The following TMEM225B variants were observed in gnomAD, a reference collection of about 807,000 sequenced individuals.
TMEM225B encodes the protein transmembrane protein 225B.
Under a neutral mutation model 16.9 loss-of-function variants are expected in TMEM225B, and 10 were observed. That is an observed-to-expected ratio of 0.59 (90% CI 0.36 to 1.00). The LOEUF (loss-of-function observed/expected upper bound fraction) is 1.00. Among genes scored for constraint, TMEM225B ranks in the 50% least tolerant of loss-of-function variants. The pLI is 0.01. For missense variants in TMEM225B, 217 were observed against 267.0 expected (o/e 0.81, Z 1.30); for synonymous variants, 92 against 109.8 (o/e 0.84, Z 1.01).
Position 99,610,676 on chromosome 7 carries a change from T to A in TMEM225B, c.*111T>A. 1 of 868,050 alleles carries A rather than the reference T, an allele frequency of 1.2e-6. No individual in the cohort carries two copies. The highest frequency in any genetic ancestry group is 1.7e-6 in the Non-Finnish European group (1 of 576,672). The allele number at this position is 868,050 out of a possible 1,614,324, so 53.8% of individuals were successfully genotyped here. ...GTATCTGTGCCTTTGAGGAGCTTCT[T>A]GCGTGTCAGATCAACTCTCCACCTC... On this transcript the variant is annotated 3_prime_UTR_variant, in exon 6 of 6. Coordinates refer to ENST00000431679, the MANE Select transcript of TMEM225B (RefSeq NM_001195541.3).
At chr7:99,610,266 T>G in intron 5 of TMEM225B, 127 bp from the exon 6 acceptor site, 1 of 628,970 alleles carries the variant, frequency 1.6e-6, no homozygotes, top group Non-Finnish European at 2.7e-6. Context: ...CTGTAATCTC[T>G]CTCTGTAATA....
At chr7:99,609,907 A>AT (rs1011192356) in intron 5 of TMEM225B, among the ~76,000 whole-genome samples, 2 of 150,846 alleles carry the variant, frequency 1.3e-5, no homozygotes, top group African/African-American at 2.4e-5. Context: ...GCTAATTTTA[A>AT]TTTTTTTTTG....
At chr7:99,598,857 C>T (rs1805081658) in intron 1 of TMEM225B, among the ~76,000 whole-genome samples, 2 of 152,200 alleles carry the variant, frequency 1.3e-5, no homozygotes. Flanking sequence ...CTGAAGGGGG[C>T]CTAGGGTCCA....
intron 1 of TMEM225B, among the ~76,000 whole-genome samples, chr7:99,598,880 C>G (rs1805085264): frequency 6.6e-6 from 1 of 152,208 alleles, no homozygotes; most frequent in Non-Finnish European, 1.5e-5. Context: ...AACCTCCTGC[C>G]AAGCCAGTGG....
intron 2 of TMEM225B, among the ~76,000 whole-genome samples, chr7:99,603,109 G>A (rs572520870): frequency 6.6e-6 from 1 of 152,010 alleles, no homozygotes; most frequent in African/African-American, 2.4e-5. Context: ...CTTCACTGAG[G>A]GCCCAGGCTG....
intron 5 of TMEM225B, among the ~76,000 whole-genome samples, chr7:99,608,073 G>A (rs969729965): frequency 6.6e-6 from 1 of 152,178 alleles, no homozygotes; most frequent in African/African-American, 2.4e-5. Flanking sequence ...TGGCCAACAT[G>A]GTGAAACCCC....
intron 5 of TMEM225B, among the ~76,000 whole-genome samples, chr7:99,609,580 C>T (rs1216461829): frequency 1.3e-5 from 2 of 151,960 alleles, no homozygotes; most frequent in African/African-American, 4.8e-5. Flanking sequence ...GGACTACAGG[C>T]ATGCACCACC....
At chr7:99,605,030 CAACAAA>C (rs1286641599) in intron 3 of TMEM225B, among the ~76,000 whole-genome samples, 1 of 143,924 alleles carries the variant, frequency 6.9e-6, no homozygotes, top group East Asian at 2.0e-4. Flanking sequence ...ACAACAACAA[CAACAAA>C]ACACAAAAAA....
At chr7:99,599,608 C>T (rs2151190535) in intron 1 of TMEM225B, among the ~76,000 whole-genome samples, 1 of 152,306 alleles carries the variant, frequency 6.6e-6, no homozygotes, top group South Asian at 2.1e-4. Flanking sequence ...AGATAAGTTG[C>T]TTTGTTTTTA....
intron 3 of TMEM225B, 102 bp downstream of exon 3, chr7:99,604,698 T>C (rs1805649456): frequency 1.1e-6 from 1 of 926,534 alleles, no homozygotes; most frequent in African/African-American, 1.6e-5. Context: ...GAGGACAAAA[T>C]CTAATTAGCT....
At chr7:99,608,553 T>TTTC (rs1002504466) in intron 5 of TMEM225B, among the ~76,000 whole-genome samples, 15 of 150,578 alleles carry the variant, frequency 1.0e-4, no homozygotes, top group African/African-American at 3.7e-4. Flanking sequence ...CTACCTTTTT[T>TTTC]TTTTTTTTTT....
intron 3 of TMEM225B, among the ~76,000 whole-genome samples, 166 bp downstream of exon 3, chr7:99,604,762 A>AGT (rs1182085661): frequency 6.6e-6 from 1 of 152,138 alleles, no homozygotes; most frequent in Non-Finnish European, 1.5e-5. Flanking sequence ...GGGAGGCCGA[A>AGT]GCGAGAGGAT....
At chr7:99,598,692 A>G (rs916188290) in intron 1 of TMEM225B, among the ~76,000 whole-genome samples, 1 of 152,194 alleles carries the variant, frequency 6.6e-6, no homozygotes, top group African/African-American at 2.4e-5. Context: ...CCAAGTTGCC[A>G]CAAATGACCG....
chr7:99,602,222 A>G (rs1234566980), intron 2 of TMEM225B, among the ~76,000 whole-genome samples: 2 of 152,284 alleles, frequency 1.3e-5, no homozygotes, highest in East Asian at 3.9e-4. Flanking sequence ...TGCAGCTCCA[A>G]TCACCGTCCC....
chr7:99,605,867 C>T (rs952427200), intron 3 of TMEM225B, among the ~76,000 whole-genome samples: 1 of 152,158 alleles, frequency 6.6e-6, no homozygotes, highest in Non-Finnish European at 1.5e-5. Flanking sequence ...AGATTACAGG[C>T]GTGAACCATT....
chr7:99,610,030 G>A (rs973089912), intron 5 of TMEM225B, among the ~76,000 whole-genome samples: 4 of 152,072 alleles, frequency 2.6e-5, no homozygotes, highest in African/African-American at 7.2e-5. Context: ...GAACTACCAC[G>A]TCCATCCCTC....
intron 1 of TMEM225B, 125 bp from the exon 2 acceptor site, chr7:99,600,080 G>A (rs1380134615): frequency 1.6e-6 from 1 of 643,632 alleles, no homozygotes; most frequent in Non-Finnish European, 2.8e-6. Flanking sequence ...GGAGAGTGGA[G>A]GGGGCAGTGG....
chr7:99,599,524 C>G (rs1272725393), intron 1 of TMEM225B, among the ~76,000 whole-genome samples: 1 of 152,160 alleles, frequency 6.6e-6, no homozygotes, highest in Non-Finnish European at 1.5e-5. Context: ...TGCACTCCAG[C>G]CTGGGTGACA....
Position 99,608,839 on chromosome 7 carries a change from G to GTATATATA in TMEM225B, c.493+1042_493+1049dup, listed in dbSNP as rs72285430. 3.9e-3 allele frequency among the ~76,000 whole-genome samples: 518 copies of GTATATATA among 132,538 alleles called. 9 individuals are homozygous for GTATATATA. Among genetic ancestry groups the GTATATATA allele is most frequent in the African/African-American group, 0.015 (481 of 32,698 alleles). The allele number at this position is 132,538 out of a possible 152,430, so 87.0% of individuals were successfully genotyped here. A position where few individuals can be genotyped will look rare whatever the true frequency, so the allele number is the denominator to read the frequency against. On this transcript the variant is annotated intron_variant, in intron 5 of 5. Transcript: ENST00000431679. The stretch of plus-strand genomic sequence containing the variant: ...CATACATATATGTGTGTGTGTGCAC[G>GTATATATA]TATATATATATATATATATACACAC...
Sources: gnomAD v4.1 joint callset for allele counts (sites outside exome capture counted in the v4.1 genomes callset) on GRCh38, gnomAD v4.1.1 for gene constraint, MANE v1.5 for transcripts, NCBI Gene and HGNC (gene_info 2026-07-23, HGNC 2026-07-21) for gene names.